CLIC4: variants seen among roughly 807,000 people sequenced by gnomAD.
The protein encoded by CLIC4 is CLIC family member 4.
In CLIC4, 13 loss-of-function variants were observed where a neutral mutation model predicts 24.6. That is an observed-to-expected ratio of 0.53 (90% CI 0.34 to 0.84). CLIC4 has a LOEUF of 0.84. Ranked by LOEUF, CLIC4 falls within the 40% of genes least tolerant of loss-of-function variation. The pLI is 0.01. For synonymous variants in CLIC4, 104 were observed against 111.3 expected, an observed-to-expected ratio of 0.93 and a Z score of 0.41; for missense variants, 227 against 301.7, an observed-to-expected ratio of 0.75 and a Z score of 1.83.
intron 4 of CLIC4, among the ~76,000 whole-genome samples, chr1:24,837,954 C>T (rs1050553702): frequency 2.1e-4 from 32 of 152,290 alleles, no homozygotes; most frequent in African/African-American, 6.7e-4. Flanking sequence ...CATTTATGTT[C>T]TCATAACTTC....
chr1:24,765,041 A>G (rs376005653), intron 1 of CLIC4, among the ~76,000 whole-genome samples: 11 of 152,314 alleles, frequency 7.2e-5, no homozygotes, highest in African/African-American at 2.6e-4. Flanking sequence ...AGATGGGATA[A>G]TATTTTCCAC....
chr1:24,840,525 T>C (rs1639931839), intron 5 of CLIC4, among the ~76,000 whole-genome samples: 1 of 152,226 alleles, frequency 6.6e-6, no homozygotes. Flanking sequence ...GTGATTATAC[T>C]TGGCTGTCTT....
chr1:24,820,973 C>G (rs1639724446), intron 3 of CLIC4, among the ~76,000 whole-genome samples: 1 of 152,062 alleles, frequency 6.6e-6, no homozygotes, highest in African/African-American at 2.4e-5. Context: ...GACTTGAGCT[C>G]AGGAGTTCAA....
intron 1 of CLIC4, among the ~76,000 whole-genome samples, chr1:24,784,049 A>C (rs1037264558): frequency 2.1e-5 from 3 of 144,356 alleles, no homozygotes; most frequent in African/African-American, 7.8e-5. Context: ...TGTCACCCAG[A>C]TTTTGTTTAT....
At chr1:24,793,005 A>T (rs544820012) in intron 1 of CLIC4, among the ~76,000 whole-genome samples, 57 of 152,290 alleles carry the variant, frequency 3.7e-4, no homozygotes, top group Non-Finnish European at 7.3e-4. Context: ...AAGTTCCTAC[A>T]TGTAATATCT....
intron 1 of CLIC4, among the ~76,000 whole-genome samples, chr1:24,769,987 G>A (rs1639051764): frequency 1.3e-5 from 2 of 151,920 alleles, no homozygotes; most frequent in Admixed American, 6.6e-5. Flanking sequence ...TCCCTGAGTA[G>A]CTGGGACTTG....
At chr1:24,818,949 ATAT>A (rs1639699017) in intron 3 of CLIC4, among the ~76,000 whole-genome samples, 1 of 151,952 alleles carries the variant, frequency 6.6e-6, no homozygotes, top group African/African-American at 2.4e-5. Flanking sequence ...TATGTAATGT[ATAT>A]TATTATTAAT....
chr1:24,809,620 C>T (rs1031116366), intron 2 of CLIC4, among the ~76,000 whole-genome samples: 1 of 152,096 alleles, frequency 6.6e-6, no homozygotes, highest in Non-Finnish European at 1.5e-5. Context: ...ACTACTACAC[C>T]CAGCTAATTT....
At chr1:24,781,169 CTG>C (rs952975198) in intron 1 of CLIC4, among the ~76,000 whole-genome samples, 11 of 134,350 alleles carry the variant, frequency 8.2e-5, no homozygotes, top group Non-Finnish European at 1.4e-4. Context: ...GAGTCTCACT[CTG>C]TCACCCAGGC....
intron 1 of CLIC4, among the ~76,000 whole-genome samples, chr1:24,785,697 C>T (rs1238687752): frequency 6.6e-6 from 1 of 151,624 alleles, no homozygotes; most frequent in Non-Finnish European, 1.5e-5. Flanking sequence ...ACTAAAAATA[C>T]AAAAATTAGC....
chr1:24,766,473 GTTTTTTTTT>G (rs71032855), intron 1 of CLIC4, among the ~76,000 whole-genome samples: 5 of 62,074 alleles, frequency 8.1e-5, no homozygotes, highest in East Asian at 3.5e-4. Flanking sequence ...TGCCCAGACG[GTTTTTTTTT>G]TTTTTTTTTT....
intron 1 of CLIC4, among the ~76,000 whole-genome samples, chr1:24,783,325 T>A (rs1476887155): frequency 6.6e-6 from 1 of 152,188 alleles, no homozygotes; most frequent in African/African-American, 2.4e-5. Context: ...GCTAGTCAGG[T>A]ATTAGCCCTG....
At chr1:24,764,907 A>G (rs574442170) in intron 1 of CLIC4, among the ~76,000 whole-genome samples, 124 of 152,278 alleles carry the variant, frequency 8.1e-4, no homozygotes, top group African/African-American at 2.9e-3. Flanking sequence ...AAAATCTTTC[A>G]TTAAACATGT....
chr1:24,816,346 TCTC>T (rs1639668893), intron 3 of CLIC4, among the ~76,000 whole-genome samples: 1 of 146,872 alleles, frequency 6.8e-6, no homozygotes, highest in South Asian at 2.2e-4. Context: ...TTCAAGCAAT[TCTC>T]CTGCTTCAGC....
chr1:24,821,413 G>A (rs950375773), intron 3 of CLIC4, among the ~76,000 whole-genome samples: 15 of 152,232 alleles, frequency 9.9e-5, no homozygotes, highest in African/African-American at 3.6e-4. Flanking sequence ...CATATTCATA[G>A]AAACATTGTA....
intron 1 of CLIC4, among the ~76,000 whole-genome samples, chr1:24,770,286 C>T (rs1378538748): frequency 6.6e-6 from 1 of 151,234 alleles, no homozygotes; most frequent in Non-Finnish European, 1.5e-5. Context: ...TTCTCCCTTC[C>T]TCCCCCTTCA....
At chr1:24,779,899 T>A (rs897574568) in intron 1 of CLIC4, among the ~76,000 whole-genome samples, 7 of 152,218 alleles carry the variant, frequency 4.6e-5, no homozygotes, top group African/African-American at 1.7e-4. Context: ...TCTTCATCAT[T>A]TGATGCCTCT....
intron 3 of CLIC4, among the ~76,000 whole-genome samples, chr1:24,819,842 C>T (rs1416307123): frequency 4.7e-5 from 7 of 149,080 alleles, no homozygotes; most frequent in African/African-American, 9.9e-5. Context: ...TGGGTTCAAG[C>T]GATTCTCCTG....
chr1:24,769,694 G>T (rs932279211), intron 1 of CLIC4, among the ~76,000 whole-genome samples: 1 of 152,084 alleles, frequency 6.6e-6, no homozygotes, highest in Non-Finnish European at 1.5e-5. Context: ...GAGCCTAGAT[G>T]GTTCATTAGA....
Sources: allele counts gnomAD v4.1 joint callset (sites outside exome capture counted in the v4.1 genomes callset), GRCh38; gene constraint gnomAD v4.1.1; transcripts MANE v1.5; gene names NCBI Gene and HGNC (gene_info 2026-07-23, HGNC 2026-07-21).